KIAA0232: variants seen among roughly 807,000 people sequenced by gnomAD.
The protein encoded by KIAA0232 is KIAA0232, also known as uncharacterized protein KIAA0232.
KIAA0232 carries 27 observed loss-of-function variants against 122.0 expected under a neutral mutation model. The observed-to-expected ratio is 0.22, with a 90% CI of 0.16 to 0.31. KIAA0232 has a LOEUF of 0.31. KIAA0232 is among the 10% of genes least tolerant of loss of function. KIAA0232 has a pLI of 1.00. For synonymous variants in KIAA0232, 613 were observed against 587.6 expected, an observed-to-expected ratio of 1.04 and a Z score of -0.63; for missense variants, 1,551 against 1,634.2, an observed-to-expected ratio of 0.95 and a Z score of 0.88.
rs1380089539 is a variant in KIAA0232 at position 6,873,363 on chromosome 4, G to A, written c.3910+1681G>A. On this transcript the variant is annotated intron_variant, in intron 8 of 9. Transcript: ENST00000307659. ...CAGGGCAGTAGGAGTAGGACACACA[G>A]AGCTTCCCTTCATGTGTGTCCAGTC... Among the ~76,000 whole-genome samples the A allele has an allele frequency of 3.3e-5, 5 of 152,354 alleles. No homozygotes were observed. In the East Asian group the frequency reaches 9.6e-4, roughly 29 times the overall value.
rs928843739 is a variant in KIAA0232 at position 6,861,304 on chromosome 4, G to A, written c.922G>A (p.Ala308Thr). ...SSSGNQGELK[A>T]SMKYVKVRHK... ...CAGTGGGAATCAGGGAGAATTAAAA[G>A]CATCCATGAAGTATGTTAAAGTAAG... is the stretch of plus-strand genomic sequence containing the variant. Residue 308 changes from alanine to threonine, a missense_variant, in exon 7 of 10, where the codon GCA becomes ACA. Physicochemically the swap from Ala to Thr is moderately conservative, Grantham distance 58. Coordinates refer to ENST00000307659, the MANE Select transcript of KIAA0232 (RefSeq NM_014743.3). The A allele has an allele frequency of 1.9e-5, 30 of 1,613,990 alleles. No individual in the cohort carries two copies. The highest frequency in any genetic ancestry group is 2.4e-5 in the Non-Finnish European group (28 of 1,180,050).
intron 3 of KIAA0232, among the ~76,000 whole-genome samples, chr4:6,827,955 T>C (rs1046471931): frequency 3.9e-5 from 6 of 152,178 alleles, no homozygotes; most frequent in African/African-American, 1.4e-4. Flanking sequence ...CATATCACTT[T>C]TATTTTATAT....
At chr4:6,853,940 C>A (rs932029879) in intron 4 of KIAA0232, among the ~76,000 whole-genome samples, 1 of 152,086 alleles carries the variant, frequency 6.6e-6, no homozygotes, top group African/African-American at 2.4e-5. Context: ...ACTCTTCAAC[C>A]CCACCCCACA....
At chr4:6,858,183 A>G (rs866343811) in intron 5 of KIAA0232, among the ~76,000 whole-genome samples, 15 of 152,344 alleles carry the variant, frequency 9.8e-5, no homozygotes, top group African/African-American at 3.1e-4. Flanking sequence ...CCTCTAGAGC[A>G]CTGTATCAGT....
rs267600214 is a variant in KIAA0232 at position 6,862,806 on chromosome 4, A to G, written c.2424A>G (p.Thr808=). 28 of 1,614,076 alleles carry G rather than the reference A, an allele frequency of 1.7e-5. No homozygotes were observed. The highest frequency in any genetic ancestry group is 2.3e-5 in the Non-Finnish European group (27 of 1,180,044). Residue 808 remains threonine, a synonymous_variant, in exon 7 of 10, where the codon ACA becomes ACG. Transcript: ENST00000307659. The stretch of plus-strand genomic sequence containing the variant: ...CAGAAAACAAAAATTTTGAAACTAC[A>G]CAAGTATGTAATGAAAGTCCACATG... ...QKTENKNFET[T]QVCNESPHGD...
At position 6,864,042 on chromosome 4, in the gene KIAA0232, A is replaced by T. The variant is rs1190096542; in HGVS notation, c.3660A>T (p.Glu1220Asp). ...CLECSMNESLEIDLESSEANC... is the reference protein window; with the variant it reads ...CLECSMNESLDIDLESSEANC... ...AATGTAGCATGAATGAATCCCTGGA[A>T]ATAGATTTAGAAAGCTCAGAAGCAA... is the stretch of plus-strand genomic sequence containing the variant. Residue 1220 changes from glutamate (E) to aspartate (D), a missense_variant, in exon 7 of 10, where the codon GAA (glutamate) becomes GAT (aspartate). Glu to Asp is a conservative substitution (Grantham distance 45). Coordinates refer to ENST00000307659, the MANE Select transcript of KIAA0232 (RefSeq NM_014743.3). The T allele has an allele frequency of 6.2e-7, 1 of 1,614,192 alleles. No individual in the cohort carries two copies. Among genetic ancestry groups the T allele is most frequent in the South Asian group, 1.1e-5 (1 of 91,078 alleles).
rs1440975971 is a variant in KIAA0232, at chr4:6,850,504, A to C, written c.370-6660A>C. On this transcript the variant is annotated intron_variant, in intron 4 of 9. Coordinates refer to ENST00000307659, the MANE Select transcript of KIAA0232 (RefSeq NM_014743.3). ...TTTTTGTAACTTCTTTTAGTTAAAA[A>C]TTTTAAAATTTTTTCTATATTGTTA... Among the ~76,000 whole-genome samples, 14 of 152,126 alleles carry C rather than the reference A, an allele frequency of 9.2e-5. No homozygotes were observed. In the East Asian group the frequency reaches 2.7e-3, roughly 29 times the overall value.
rs80023196 is a variant in KIAA0232, at chr4:6,802,259, G to A, written c.-353-2264G>A. Among the ~76,000 whole-genome samples, 34 of 152,260 alleles carry A rather than the reference G, an allele frequency of 2.2e-4. 1 individual carries two copies. The East Asian group carries it at 6.4e-3, about 29-fold the overall frequency. ...TTGGGCTGGGTAGCCAGGCCTGTAC[G>A]CTCTCTGAGTCAGTCAGGATGACTT... On this transcript the variant is annotated intron_variant, in intron 1 of 9. Transcript: ENST00000307659.
intron 1 of KIAA0232, among the ~76,000 whole-genome samples, chr4:6,793,887 C>A (rs1339924810): frequency 2.6e-5 from 4 of 152,174 alleles, no homozygotes; most frequent in Admixed American, 1.3e-4. Flanking sequence ...TCCCTGTGGT[C>A]ACAGGTAATA....
At chr4:6,823,267 G>C (rs981771348) in intron 2 of KIAA0232, among the ~76,000 whole-genome samples, 5 of 152,088 alleles carry the variant, frequency 3.3e-5, no homozygotes, top group Non-Finnish European at 5.9e-5. Context: ...ATAGCAGCAT[G>C]ATTTATAGTC....
intron 3 of KIAA0232, among the ~76,000 whole-genome samples, chr4:6,835,506 T>C (rs977116116): frequency 3.9e-5 from 6 of 152,230 alleles, no homozygotes; most frequent in African/African-American, 7.2e-5. Flanking sequence ...CTAGAGTACA[T>C]ATGCACAATG....
At chr4:6,857,264 G>C in intron 5 of KIAA0232, 34 bp downstream of exon 5, 2 of 1,555,662 alleles carry the variant, frequency 1.3e-6, no homozygotes, top group Non-Finnish European at 1.8e-6. Flanking sequence ...ACACATGCCA[G>C]GATTACATCC....
intron 4 of KIAA0232, among the ~76,000 whole-genome samples, chr4:6,851,208 A>G (rs2108767274): frequency 6.6e-6 from 1 of 152,324 alleles, no homozygotes; most frequent in South Asian, 2.1e-4. Flanking sequence ...TCCTTCCTAG[A>G]TTAAAAATAA....
At position 6,861,688 on chromosome 4, in the gene KIAA0232, G is replaced by C; in HGVS notation, c.1306G>C (p.Glu436Gln). 6.2e-7 allele frequency: 1 copy of C among 1,614,130 alleles called. No homozygotes were observed. The highest frequency in any genetic ancestry group is 1.1e-5 in the South Asian group (1 of 91,078). ...ACAGGATACAAGTGATCTGACATCA[G>C]AGGCAGTGGAAGAATTGTCTGAATC... is the stretch of plus-strand genomic sequence containing the variant. Reference protein sequence around the residue: ...NRQDTSDLTSEAVEELSESVH... With the variant: ...NRQDTSDLTSQAVEELSESVH... The change falls in exon 7 of 10, where the codon GAG becomes CAG. Residue 436 changes from glutamate (E) to glutamine (Q), a missense_variant. Physicochemically the swap from Glu to Gln is conservative, Grantham distance 29. This residue lies in a region of KIAA0232 where 1,108 missense variants were observed against 1,154.8 expected (regional missense o/e 0.96). Transcript: ENST00000307659.
At chr4:6,786,527 C>G (rs529821044) in intron 1 of KIAA0232, among the ~76,000 whole-genome samples, 4 of 152,226 alleles carry the variant, frequency 2.6e-5, no homozygotes, top group East Asian at 1.9e-4. Context: ...AGGCTGATCT[C>G]GAACTCCTGG....
At chr4:6,869,690 G>A (rs943633424) in intron 7 of KIAA0232, among the ~76,000 whole-genome samples, 4 of 152,216 alleles carry the variant, frequency 2.6e-5, no homozygotes, top group Non-Finnish European at 5.9e-5. Context: ...TTCTGACTTA[G>A]GAGTGTTTCC....
chr4:6,795,331 C>T (rs1196758421), intron 1 of KIAA0232, among the ~76,000 whole-genome samples: 1 of 152,182 alleles, frequency 6.6e-6, no homozygotes, highest in Non-Finnish European at 1.5e-5. Flanking sequence ...TTCAGCCTCC[C>T]AAAGTACTGG....
intron 4 of KIAA0232, among the ~76,000 whole-genome samples, chr4:6,851,042 G>C (rs1432005325): frequency 6.6e-6 from 1 of 152,208 alleles, no homozygotes; most frequent in African/African-American, 2.4e-5. Flanking sequence ...TTAGGCATCA[G>C]ATTCCTTGAC....
chr4:6,871,025 TTTAG>T (rs1721452201), intron 7 of KIAA0232, among the ~76,000 whole-genome samples: 1 of 152,224 alleles, frequency 6.6e-6, no homozygotes, highest in South Asian at 2.1e-4. Context: ...TAAGAGTTTT[TTTAG>T]TTAAGATTTT....
Sources: gnomAD v4.1 joint callset for allele counts (sites outside exome capture counted in the v4.1 genomes callset) on GRCh38, gnomAD v4.1.1 for gene constraint, gnomAD v4.1.1 regional missense constraint, MANE v1.5 for transcripts, NCBI Gene and HGNC (gene_info 2026-07-23, HGNC 2026-07-21) for gene names.